Variants in PTPRZ1 observed in about 807,000 individuals in gnomAD.
PTPRZ1 encodes the protein receptor-type tyrosine-protein phosphatase zeta.
Under a neutral mutation model 214.1 loss-of-function variants are expected in PTPRZ1, and 82 were observed. That is an observed-to-expected ratio of 0.38 (90% CI 0.32 to 0.46). PTPRZ1 has a LOEUF of 0.46. PTPRZ1 is among the 20% of genes least tolerant of loss of function. PTPRZ1 has a pLI of 1.00. For synonymous variants in PTPRZ1, 945 were observed against 987.9 expected (o/e 0.96, Z 0.81); for missense variants, 2,603 against 2,748.7 (o/e 0.95, Z 1.19).
At chr7:121,909,501 A>G (rs1795210242) in intron 1 of PTPRZ1, among the ~76,000 whole-genome samples, 2 of 152,202 alleles carry the variant, frequency 1.3e-5, no homozygotes, top group Non-Finnish European at 2.9e-5. Context: ...GAAGTGTTTT[A>G]CAGATTTGGA....
At chr7:121,984,235 T>C (rs1797702752) in intron 8 of PTPRZ1, 118 bp downstream of exon 8, 8 of 913,280 alleles carry the variant, frequency 8.8e-6, no homozygotes, top group Non-Finnish European at 1.2e-5. Context: ...AATTATTAAT[T>C]TTGTAGCTTT....
intron 2 of PTPRZ1, among the ~76,000 whole-genome samples, chr7:121,931,537 G>A (rs1181141523): frequency 6.6e-6 from 1 of 152,176 alleles, no homozygotes; most frequent in African/African-American, 2.4e-5. Flanking sequence ...AAGGGTGGAT[G>A]TATGTTGACT....
At chr7:121,980,947 C>G (rs1484678741) in intron 6 of PTPRZ1, among the ~76,000 whole-genome samples, 1 of 152,052 alleles carries the variant, frequency 6.6e-6, no homozygotes, top group East Asian at 1.9e-4. Context: ...TCGAGACCAT[C>G]TTGGCTAACA....
intron 1 of PTPRZ1, among the ~76,000 whole-genome samples, chr7:121,910,133 C>A (rs907164769): frequency 6.6e-6 from 1 of 152,124 alleles, no homozygotes; most frequent in East Asian, 1.9e-4. Context: ...GTTTTTCCAA[C>A]ACATGGGGCT....
Position 122,010,627 on chromosome 7 carries a change from A to G in PTPRZ1, c.1581A>G (p.Pro527=), listed in dbSNP as rs1463006846. ...SLTSQTVTEL[P]PHTVEGTSAS... ...CTTCTCAGACTGTGACTGAACTGCCACCTCACACTGTGGAAGGTACTTCAG... is the reference window on the plus strand; with the variant it reads ...CTTCTCAGACTGTGACTGAACTGCCGCCTCACACTGTGGAAGGTACTTCAG... Residue 527 remains proline (P), a synonymous_variant, in exon 12 of 30, where the codon CCA becomes CCG. Transcript: ENST00000393386. 1 of 1,613,652 alleles carries G rather than the reference A, an allele frequency of 6.2e-7. No homozygotes were observed. Among genetic ancestry groups the G allele is most frequent in the Admixed American group, 1.7e-5 (1 of 60,008 alleles).
chr7:122,035,739 A>G (rs948450265), intron 17 of PTPRZ1, among the ~76,000 whole-genome samples: 9 of 152,184 alleles, frequency 5.9e-5, no homozygotes, highest in Non-Finnish European at 8.8e-5. Context: ...ATCCCAGAGT[A>G]TCTCTTTAAC....
intron 17 of PTPRZ1, among the ~76,000 whole-genome samples, chr7:122,035,518 A>G (rs1584764113): frequency 6.6e-6 from 1 of 152,226 alleles, no homozygotes; most frequent in South Asian, 2.1e-4. Flanking sequence ...TAAATAAGTT[A>G]TTTCATTTAA....
intron 3 of PTPRZ1, among the ~76,000 whole-genome samples, chr7:121,968,516 AG>A (rs1454112133): frequency 1.3e-5 from 2 of 152,162 alleles, no homozygotes; most frequent in African/African-American, 4.8e-5. Flanking sequence ...ATATGAAAAA[AG>A]CAATTGGCTA....
intron 13 of PTPRZ1, among the ~76,000 whole-genome samples, chr7:122,022,683 A>G (rs1208525929): frequency 6.6e-6 from 1 of 152,098 alleles, no homozygotes; most frequent in South Asian, 2.1e-4. Flanking sequence ...AAATTCATCT[A>G]TTTTTTCTCT....
In PTPRZ1 at chr7:122,022,941, C is replaced by T. The variant is rs562551452; in HGVS notation, c.4988+3673C>T. ...ATGTTTACGATCAGTGGATTTTAGA[C>T]AAGGATCCAAAGACTTTTCAATGGG... On this transcript the variant is annotated intron_variant, in intron 13 of 29. Transcript: ENST00000393386. Among the ~76,000 whole-genome samples, 17 of 152,238 alleles carry T rather than the reference C, an allele frequency of 1.1e-4. No homozygotes were observed. The East Asian group carries it at 1.2e-3, about 10-fold the overall frequency.
intron 2 of PTPRZ1, among the ~76,000 whole-genome samples, chr7:121,962,220 G>A (rs535759192): frequency 1.2e-4 from 19 of 152,138 alleles, no homozygotes; most frequent in South Asian, 1.0e-3. Flanking sequence ...AGGCTGAGGC[G>A]GGAGGATCAC....
chr7:121,892,033 C>A (rs1351771614), intron 1 of PTPRZ1, among the ~76,000 whole-genome samples: 2 of 151,886 alleles, frequency 1.3e-5, no homozygotes, highest in Non-Finnish European at 2.9e-5. Flanking sequence ...TTTACATTTT[C>A]TTTGGATAGT....
intron 2 of PTPRZ1, among the ~76,000 whole-genome samples, chr7:121,951,963 A>AT (rs11310741): frequency 7.9e-5 from 9 of 113,458 alleles, no homozygotes; most frequent in East Asian, 2.5e-4. Flanking sequence ...TTATTTATTT[A>AT]TTTTTTTTTT....
chr7:122,038,320 TA>T (rs1481800270), intron 18 of PTPRZ1, among the ~76,000 whole-genome samples: 3 of 152,066 alleles, frequency 2.0e-5, no homozygotes, highest in African/African-American at 7.2e-5. Context: ...TGAAGTAGAG[TA>T]AGGAGGTTAC....
At chr7:121,941,635 A>G (rs1463353443) in intron 2 of PTPRZ1, among the ~76,000 whole-genome samples, 1 of 152,150 alleles carries the variant, frequency 6.6e-6, no homozygotes, top group Non-Finnish European at 1.5e-5. Context: ...TAAATGTCTA[A>G]ATTAATTTTT....
chr7:122,042,540 A>G (rs1207262983), intron 21 of PTPRZ1, 68 bp from the exon 22 acceptor site: 2 of 1,435,924 alleles, frequency 1.4e-6, no homozygotes, highest in Non-Finnish European at 1.9e-6. Context: ...GACAACCAGT[A>G]GTGATCTATT....
At chr7:122,038,167 AAC>A (rs1234784850) in intron 18 of PTPRZ1, among the ~76,000 whole-genome samples, 2 of 152,178 alleles carry the variant, frequency 1.3e-5, no homozygotes. Flanking sequence ...TTCCTCCCAC[AAC>A]ACACAGGAAT....
At chr7:121,891,885 C>T (rs1310501944) in intron 1 of PTPRZ1, among the ~76,000 whole-genome samples, 2 of 152,092 alleles carry the variant, frequency 1.3e-5, no homozygotes, top group Admixed American at 6.6e-5. Context: ...TCCTGCACTA[C>T]AGCAGAGAAG....
rs917249630 is a variant in PTPRZ1, at chr7:121,945,307, G to A, written c.124+17086G>A. On this transcript the variant is annotated intron_variant, in intron 2 of 29. Transcript: ENST00000393386. ...ATTAAACTATACTGTGTAAGATGCA[G>A]TCTCATTCATGAATATTGAGTACAG... Among the ~76,000 whole-genome samples, 3 of 152,180 alleles carry A rather than the reference G, an allele frequency of 2.0e-5. No individual in the cohort carries two copies. The South Asian group carries it at 6.2e-4, about 32-fold the overall frequency.
Sources: gnomAD v4.1 joint callset for allele counts (sites outside exome capture counted in the v4.1 genomes callset) on GRCh38, gnomAD v4.1.1 for gene constraint, MANE v1.5 for transcripts, NCBI Gene and HGNC (gene_info 2026-07-23, HGNC 2026-07-21) for gene names.